GALNT13: variants seen among roughly 807,000 people sequenced by gnomAD.
GALNT13 encodes the protein UDP-GalNAc:polypeptide N-acetylgalactosaminyltransferase 13.
GALNT13 carries 28 observed loss-of-function variants against 64.2 expected under a neutral mutation model. The observed-to-expected ratio is 0.44, with a 90% CI of 0.32 to 0.60. GALNT13 has a LOEUF of 0.60. GALNT13 is among the 20% of genes least tolerant of loss of function. The pLI, the probability that GALNT13 is intolerant of heterozygous loss-of-function variation, is 0.05. For missense variants in GALNT13, 577 were observed against 669.8 expected (o/e 0.86, Z 1.53); for synonymous variants, 214 against 224.6 (o/e 0.95, Z 0.42).
chr2:154,139,112 TA>T (rs1348790188), intron 3 of GALNT13, among the ~76,000 whole-genome samples: 1 of 152,014 alleles, frequency 6.6e-6, no homozygotes, highest in African/African-American at 2.4e-5. Flanking sequence ...TAGAGATGCC[TA>T]TTCTCTTATA....
At chr2:153,501,878 A>G in the GALNT13 span, among the ~76,000 whole-genome samples, 4 of 152,276 alleles carry the variant, frequency 2.6e-5, no homozygotes, top group African/African-American at 7.2e-5. Flanking sequence ...CTTTTAAAAT[A>G]AGTCCTTTTA....
chr2:153,979,464 T>A (rs1000621467), intron 3 of GALNT13, among the ~76,000 whole-genome samples: 1 of 152,148 alleles, frequency 6.6e-6, no homozygotes, highest in Non-Finnish European at 1.5e-5. Context: ...GAGTTAAGGA[T>A]CTGAGATTAT....
chr2:154,179,394 C>A (rs1187355525), intron 4 of GALNT13, among the ~76,000 whole-genome samples: 1 of 152,114 alleles, frequency 6.6e-6, no homozygotes, highest in Non-Finnish European at 1.5e-5. Flanking sequence ...TTGCTGATTT[C>A]ATTACAAATA....
intron 2 of GALNT13, among the ~76,000 whole-genome samples, chr2:153,930,651 G>T (rs1229594179): frequency 1.3e-5 from 2 of 151,854 alleles, no homozygotes; most frequent in Non-Finnish European, 2.9e-5. Flanking sequence ...TTTATTCCTG[G>T]GTTCTTTCTT....
chr2:153,396,698 A>T, the GALNT13 span, among the ~76,000 whole-genome samples: 1 of 152,142 alleles, frequency 6.6e-6, no homozygotes, highest in African/African-American at 2.4e-5. Flanking sequence ...GGATAATAAA[A>T]TGATGCTCCT....
the GALNT13 span, among the ~76,000 whole-genome samples, chr2:153,186,812 C>T: frequency 6.6e-5 from 10 of 152,122 alleles, no homozygotes; most frequent in South Asian, 2.1e-4. Flanking sequence ...GTGATCTGCC[C>T]GCCTCAGCCT....
chr2:154,378,753 A>G (rs1346181978), intron 9 of GALNT13, among the ~76,000 whole-genome samples: 1 of 152,068 alleles, frequency 6.6e-6, no homozygotes, highest in African/African-American at 2.4e-5. Context: ...CCCTGATTTG[A>G]TCATTATACA....
chr2:153,612,199 T>A, the GALNT13 span, among the ~76,000 whole-genome samples: 1 of 152,112 alleles, frequency 6.6e-6, no homozygotes, highest in Admixed American at 6.6e-5. Context: ...ACCGATGCCA[T>A]CGAGCATGTG....
At chr2:153,535,631 T>C in the GALNT13 span, among the ~76,000 whole-genome samples, 1 of 152,306 alleles carries the variant, frequency 6.6e-6, no homozygotes, top group Non-Finnish European at 1.5e-5. Flanking sequence ...CCTTGTAGCA[T>C]TCTGAGGACA....
At chr2:154,257,266 A>G (rs1228078300) in intron 7 of GALNT13, among the ~76,000 whole-genome samples, 2 of 152,194 alleles carry the variant, frequency 1.3e-5, no homozygotes, top group South Asian at 2.1e-4. Flanking sequence ...CCGAAATTCA[A>G]TACATGTTAT....
chr2:153,353,323 T>A, the GALNT13 span, among the ~76,000 whole-genome samples: 1 of 152,172 alleles, frequency 6.6e-6, no homozygotes, highest in Non-Finnish European at 1.5e-5. Context: ...CTTGCTATAA[T>A]CTCTTATTAG....
the GALNT13 span, among the ~76,000 whole-genome samples, chr2:153,138,470 A>G: frequency 6.6e-6 from 1 of 152,050 alleles, no homozygotes; most frequent in Non-Finnish European, 1.5e-5. Context: ...CAAGTTTTCC[A>G]TTGTCTTTCA....
At chr2:153,584,013 C>A in the GALNT13 span, among the ~76,000 whole-genome samples, 1 of 152,112 alleles carries the variant, frequency 6.6e-6, no homozygotes, top group Non-Finnish European at 1.5e-5. Flanking sequence ...TACAAACCAT[C>A]GGCACTGACT....
At chr2:153,124,268 C>T in the GALNT13 span, among the ~76,000 whole-genome samples, 3 of 152,154 alleles carry the variant, frequency 2.0e-5, no homozygotes, top group African/African-American at 2.4e-5. Context: ...TCACTGTATT[C>T]TTATGAGATC....
the GALNT13 span, among the ~76,000 whole-genome samples, chr2:153,449,096 T>C: frequency 2.0e-5 from 3 of 152,144 alleles, no homozygotes. Context: ...GGAAAGGCCA[T>C]GTGAGGACAT....
the GALNT13 span, among the ~76,000 whole-genome samples, chr2:153,359,652 A>AAAAAAAAAAC: frequency 6.7e-6 from 1 of 148,366 alleles, no homozygotes; most frequent in East Asian, 1.9e-4. Flanking sequence ...AAAAAAAAAA[A>AAAAAAAAAAC]AAAAAAAAAA....
the GALNT13 span, among the ~76,000 whole-genome samples, chr2:153,172,461 A>G: frequency 2.0e-5 from 3 of 152,094 alleles, no homozygotes; most frequent in Admixed American, 2.0e-4. Context: ...ACTACTTAGG[A>G]TTCACTGCCA....
At chr2:154,293,578 T>A (rs532700757) in intron 8 of GALNT13, among the ~76,000 whole-genome samples, 1 of 152,312 alleles carries the variant, frequency 6.6e-6, no homozygotes, top group East Asian at 1.9e-4. Context: ...GTCTTGGAAG[T>A]AGTCATTATT....
chr2:154,394,286 T>C (rs1698957330), intron 9 of GALNT13, among the ~76,000 whole-genome samples: 1 of 152,032 alleles, frequency 6.6e-6, no homozygotes, highest in Non-Finnish European at 1.5e-5. Flanking sequence ...GTCAAAAGAA[T>C]AGTATTTCAT....
Sources: allele counts gnomAD v4.1 joint callset (sites outside exome capture counted in the v4.1 genomes callset), GRCh38; gene constraint gnomAD v4.1.1; transcripts MANE v1.5; gene names NCBI Gene and HGNC (gene_info 2026-07-23, HGNC 2026-07-21).